Variants in COL10A1 observed in about 807,000 individuals in gnomAD.
COL10A1 encodes the protein collagen alpha-1(X) chain.
COL10A1 carries 10 observed loss-of-function variants against 18.2 expected under a neutral mutation model. That is an observed-to-expected ratio of 0.55 (90% CI 0.34 to 0.93). The LOEUF is 0.93. Among genes scored for constraint, COL10A1 ranks in the 40% least tolerant of loss-of-function variants. The pLI is 0.02. For missense variants in COL10A1, 897 were observed against 853.5 expected (o/e 1.05, Z -0.64); for synonymous variants, 330 against 316.6 (o/e 1.04, Z -0.45).
chr6:116,184,931 T>C, the COL10A1 span, among the ~76,000 whole-genome samples: 3 of 152,074 alleles, frequency 2.0e-5, no homozygotes, highest in African/African-American at 7.2e-5. Context: ...GGGTTTGGTT[T>C]GTTCTTATTT....
chr6:116,139,345 A>T (rs899970634), intron 1 of COL10A1, among the ~76,000 whole-genome samples: 1 of 152,130 alleles, frequency 6.6e-6, no homozygotes, highest in African/African-American at 2.4e-5. Context: ...TAGAATTTGG[A>T]TAATACAATT....
At chr6:116,168,456 C>T in the COL10A1 span, among the ~76,000 whole-genome samples, 1 of 151,818 alleles carries the variant, frequency 6.6e-6, no homozygotes, top group Non-Finnish European at 1.5e-5. Context: ...TTCTATTTTT[C>T]AATTCTCTGA....
At chr6:116,180,636 T>C in the COL10A1 span, among the ~76,000 whole-genome samples, 7 of 152,094 alleles carry the variant, frequency 4.6e-5, no homozygotes, top group African/African-American at 1.7e-4. Flanking sequence ...TGCCAAAATA[T>C]CAAACCCAGA....
intron 1 of COL10A1, among the ~76,000 whole-genome samples, chr6:116,140,157 T>G (rs181422716): frequency 1.4e-4 from 22 of 152,334 alleles, no homozygotes; most frequent in African/African-American, 4.8e-4. Context: ...TACTTTGGCA[T>G]TTTTCCACCA....
chr6:116,199,012 G>A, the COL10A1 span, among the ~76,000 whole-genome samples: 4 of 152,078 alleles, frequency 2.6e-5, no homozygotes, highest in East Asian at 7.8e-4. Context: ...TGGAGGAGCT[G>A]TTCTGTGCAT....
At chr6:116,191,276 C>G in the COL10A1 span, among the ~76,000 whole-genome samples, 1 of 152,016 alleles carries the variant, frequency 6.6e-6, no homozygotes, top group African/African-American at 2.4e-5. Flanking sequence ...GGACAAGTTG[C>G]TTCAAGATGC....
the COL10A1 span, among the ~76,000 whole-genome samples, chr6:116,216,709 T>C: frequency 6.6e-6 from 1 of 152,108 alleles, no homozygotes; most frequent in Non-Finnish European, 1.5e-5. Flanking sequence ...TCTGTTTTAA[T>C]ACATTTTAAT....
At chr6:116,209,646 A>G in the COL10A1 span, among the ~76,000 whole-genome samples, 1 of 151,974 alleles carries the variant, frequency 6.6e-6, no homozygotes, top group African/African-American at 2.4e-5. Flanking sequence ...AGAGTATTCC[A>G]GGAAGGGAGA....
rs569796237 is a variant in COL10A1, at chr6:116,123,243, C to T, written c.155-1282G>A. On this transcript the variant is annotated intron_variant, in intron 2 of 2. Coordinates refer to ENST00000651968, the MANE Select transcript of COL10A1 (RefSeq NM_000493.4). ...GGAAATGAGTGCATTGGGCGTCATCCGAGACTGGAACTCCAGTGACAGGGC... is the reference window on the plus strand; with the variant it reads ...GGAAATGAGTGCATTGGGCGTCATCTGAGACTGGAACTCCAGTGACAGGGC... Among the ~76,000 whole-genome samples, 12 of 152,190 alleles carry T rather than the reference C, an allele frequency of 7.9e-5. No homozygotes were observed. In the South Asian group the frequency reaches 2.1e-3, roughly 26 times the overall value.
At chr6:116,131,457 T>C (rs986955735) in intron 1 of COL10A1, among the ~76,000 whole-genome samples, 1 of 152,228 alleles carries the variant, frequency 6.6e-6, no homozygotes, top group Non-Finnish European at 1.5e-5. Context: ...GTACATACTT[T>C]ATTTTGTAAA....
chr6:116,126,568 T>TA (rs1460691074), upstream of COL10A1, among the ~76,000 whole-genome samples: 1 of 152,214 alleles, frequency 6.6e-6, no homozygotes. Flanking sequence ...AGTTATTACA[T>TA]AAAGTTATCA....
intron 1 of COL10A1, among the ~76,000 whole-genome samples, chr6:116,135,970 G>A (rs1029580414): frequency 1.9e-4 from 29 of 150,986 alleles, no homozygotes; most frequent in East Asian, 3.9e-4. Flanking sequence ...CTCTTTTAGC[G>A]TATTTTAAGT....
intron 1 of COL10A1, among the ~76,000 whole-genome samples, chr6:116,133,002 A>C (rs959895651): frequency 6.6e-6 from 1 of 152,218 alleles, no homozygotes; most frequent in Admixed American, 6.5e-5. Flanking sequence ...GCATAAAAAC[A>C]GGTGTTTATG....
chr6:116,138,419 C>T (rs534930635), intron 1 of COL10A1, among the ~76,000 whole-genome samples: 10 of 152,296 alleles, frequency 6.6e-5, no homozygotes, highest in Admixed American at 2.6e-4. Context: ...TGTAATCCCA[C>T]TACGTCTGCT....
In COL10A1 at chr6:116,120,974, G is replaced by T. The variant is rs1779101756; in HGVS notation, c.1142C>A (p.Ser381Tyr). Residue 381 changes from serine (S) to tyrosine (Y), a missense_variant, in exon 3 of 3, where the codon TCC becomes TAC. Coordinates refer to ENST00000651968, the MANE Select transcript of COL10A1 (RefSeq NM_000493.4). ...CCCTGGTTTTCCATCTGACCCAGGG[G>T]AACCCCTTTCACCCTTAGCCCCAGG... ...GYPGAKGERG[S>Y]PGSDGKPGYP... The T allele has an allele frequency of 6.2e-7, 1 of 1,613,806 alleles. No homozygotes were observed. Among genetic ancestry groups the T allele is most frequent in the African/African-American group, 1.3e-5 (1 of 74,896 alleles).
chr6:116,134,114 A>G (rs1779532836), intron 1 of COL10A1, among the ~76,000 whole-genome samples: 1 of 152,212 alleles, frequency 6.6e-6, no homozygotes, highest in African/African-American at 2.4e-5. Context: ...ATAAGTGGCA[A>G]AACAGTGCTT....
the COL10A1 span, among the ~76,000 whole-genome samples, chr6:116,174,702 C>T: frequency 6.6e-6 from 1 of 152,232 alleles, no homozygotes; most frequent in East Asian, 1.9e-4. Flanking sequence ...GTTTTCTCTC[C>T]TTTCTAGCTC....
the COL10A1 span, among the ~76,000 whole-genome samples, chr6:116,197,404 G>A: frequency 1.3e-5 from 2 of 151,936 alleles, no homozygotes; most frequent in Non-Finnish European, 2.9e-5. Context: ...GATTTAAAAT[G>A]CTAAGCAGAA....
At position 116,125,437 on chromosome 6, in the gene COL10A1, A is replaced by T. The variant is rs1303144012; in HGVS notation, c.56T>A (p.Val19Glu). ...CATTTGGTATCGTTCAGCGTAAAACACTCCATGAACCAAGTTCAAGGATAC... is the reference window on the plus strand; with the variant it reads ...CATTTGGTATCGTTCAGCGTAAAACTCTCCATGAACCAAGTTCAAGGATAC... ...LLVSLNLVHG[V>E]FYAERYQMPT... Residue 19 changes from valine (V) to glutamate (E), a missense_variant, in exon 2 of 3, where the codon GTG (valine) becomes GAG (glutamate). Val to Glu is a moderately radical substitution (Grantham distance 121). Coordinates refer to ENST00000651968, the MANE Select transcript of COL10A1 (RefSeq NM_000493.4). 3 of 1,613,882 alleles carry T rather than the reference A, an allele frequency of 1.9e-6. No homozygotes were observed. In the East Asian group the frequency reaches 6.7e-5, roughly 36 times the overall value.
Sources: allele counts gnomAD v4.1 joint callset (sites outside exome capture counted in the v4.1 genomes callset), GRCh38; gene constraint gnomAD v4.1.1; transcripts MANE v1.5; gene names NCBI Gene and HGNC (gene_info 2026-07-23, HGNC 2026-07-21).